Variants in DENND6A observed in about 807,000 individuals in gnomAD.
The protein encoded by DENND6A is protein DENND6A.
In DENND6A, 43 loss-of-function variants were observed where a neutral mutation model predicts 95.5. The observed-to-expected ratio is 0.45, with a 90% CI of 0.35 to 0.58. DENND6A has a LOEUF of 0.58. Ranked by LOEUF, DENND6A falls within the 20% of genes least tolerant of loss-of-function variation. The pLI is 0.00. For missense variants in DENND6A, 574 were observed against 736.0 expected, an observed-to-expected ratio of 0.78 and a Z score of 2.55; for synonymous variants, 257 against 260.4, an observed-to-expected ratio of 0.99 and a Z score of 0.13.
intron 3 of DENND6A, among the ~76,000 whole-genome samples, chr3:57,667,262 T>C (rs2071538867): frequency 6.6e-6 from 1 of 152,072 alleles, no homozygotes; most frequent in South Asian, 2.1e-4. Context: ...ACTCCTGATC[T>C]CAGGTGATCT....
At chr3:57,672,339 T>C in intron 2 of DENND6A, 41 bp from the exon 3 acceptor site, 4 of 1,610,096 alleles carry the variant, frequency 2.5e-6, no homozygotes, top group East Asian at 2.2e-5. Flanking sequence ...GACACATACA[T>C]AATCAATAAA....
chr3:57,629,953 G>A (rs975850216), intron 18 of DENND6A, among the ~76,000 whole-genome samples: 1 of 152,200 alleles, frequency 6.6e-6, no homozygotes, highest in African/African-American at 2.4e-5. Context: ...TATTTAACAA[G>A]TGGTTCTCCA....
intron 12 of DENND6A, among the ~76,000 whole-genome samples, chr3:57,637,410 C>T (rs2070818326): frequency 6.6e-6 from 1 of 152,192 alleles, no homozygotes; most frequent in African/African-American, 2.4e-5. Context: ...GCAAGGTTAA[C>T]ACTAAATATA....
At chr3:57,629,278 T>C (rs1379661008) in intron 18 of DENND6A, among the ~76,000 whole-genome samples, 1 of 152,172 alleles carries the variant, frequency 6.6e-6, no homozygotes, top group South Asian at 2.1e-4. Context: ...GTACACTTCG[T>C]GTTTTCGGAT....
intron 1 of DENND6A, chr3:57,679,646 T>A: frequency 1.2e-6 from 1 of 813,674 alleles, no homozygotes; most frequent in Non-Finnish European, 1.5e-6. Flanking sequence ...ATGCCTCAGT[T>A]TCTGCTTCCA....
intron 1 of DENND6A, among the ~76,000 whole-genome samples, chr3:57,692,241 A>AC (rs1399190764): frequency 6.6e-6 from 1 of 151,802 alleles, no homozygotes; most frequent in African/African-American, 2.4e-5. Context: ...AAAAAAAAAA[A>AC]AAAAAAAAAC....
At chr3:57,687,736 C>A (rs1167235413) in intron 1 of DENND6A, among the ~76,000 whole-genome samples, 1 of 152,038 alleles carries the variant, frequency 6.6e-6, no homozygotes, top group Non-Finnish European at 1.5e-5. Context: ...AATTTGAGAC[C>A]AGCCTGGACA....
intron 1 of DENND6A, among the ~76,000 whole-genome samples, chr3:57,678,465 G>A (rs2077129530): frequency 6.6e-6 from 1 of 152,192 alleles, no homozygotes; most frequent in Non-Finnish European, 1.5e-5. Flanking sequence ...GGGGAGATAA[G>A]AAATACAGTT....
At chr3:57,671,854 T>C (rs936758048) in intron 3 of DENND6A, among the ~76,000 whole-genome samples, 1 of 152,222 alleles carries the variant, frequency 6.6e-6, no homozygotes. Context: ...TGGCCTTGCT[T>C]CCTAACCAAA....
intron 1 of DENND6A, among the ~76,000 whole-genome samples, chr3:57,675,543 T>G (rs1559828531): frequency 6.6e-6 from 1 of 152,226 alleles, no homozygotes; most frequent in Non-Finnish European, 1.5e-5. Context: ...CTATCCTAAT[T>G]CTCTCTGGTC....
intron 9 of DENND6A, 48 bp downstream of exon 9, chr3:57,657,632 C>G (rs765190145): frequency 8.1e-7 from 1 of 1,239,382 alleles, no homozygotes; most frequent in African/African-American, 1.5e-5. Flanking sequence ...TTAACACCAC[C>G]ACCACAAAGC....
At chr3:57,686,770 C>A (rs1415639476) in intron 1 of DENND6A, among the ~76,000 whole-genome samples, 1 of 152,060 alleles carries the variant, frequency 6.6e-6, no homozygotes, top group East Asian at 1.9e-4. Context: ...GAGCCATTAC[C>A]CCATCTCTCT....
At position 57,666,151 on chromosome 3, in the gene DENND6A, A is replaced by G. The variant is rs2071521537; in HGVS notation, c.404T>C (p.Phe135Ser). 2 of 1,613,878 alleles carry G rather than the reference A, an allele frequency of 1.2e-6. No individual in the cohort carries two copies. Among genetic ancestry groups the G allele is most frequent in the Non-Finnish European group, 8.5e-7 (1 of 1,179,870 alleles). The stretch of plus-strand genomic sequence containing the variant: ...TAAGTAAACTGGTAAATCTTTGTCA[A>G]ATTGATCCAGGAGACAATGCAGCGA... ...RVSLHCLLDQ[F>S]DKDLPVYLKK... The change falls in exon 4 of 20, where the codon TTT (phenylalanine) becomes TCT (serine). Residue 135 changes from phenylalanine to serine, a missense_variant. Coordinates refer to ENST00000311128, the MANE Select transcript of DENND6A (RefSeq NM_152678.3).
At chr3:57,675,589 T>G (rs1328542487) in intron 1 of DENND6A, among the ~76,000 whole-genome samples, 2 of 152,190 alleles carry the variant, frequency 1.3e-5, no homozygotes, top group African/African-American at 2.4e-5. Flanking sequence ...CTTAGGTTAT[T>G]TTAGTGTCTG....
intron 6 of DENND6A, 22 bp downstream of exon 6, chr3:57,661,424 T>G: frequency 6.7e-7 from 1 of 1,499,050 alleles, no homozygotes; most frequent in Non-Finnish European, 8.9e-7. Context: ...AACTCCTGCA[T>G]AAAGGTATAT....
chr3:57,676,776 TTTTC>T (rs1368064817), intron 1 of DENND6A, among the ~76,000 whole-genome samples: 1 of 152,188 alleles, frequency 6.6e-6, no homozygotes, highest in Non-Finnish European at 1.5e-5. Flanking sequence ...TTTATGGGCT[TTTTC>T]TTTAATTCTG....
chr3:57,658,257 C>T (rs1338221438), intron 8 of DENND6A, among the ~76,000 whole-genome samples: 1 of 151,548 alleles, frequency 6.6e-6, no homozygotes, highest in Non-Finnish European at 1.5e-5. Context: ...AAGAATTAAT[C>T]CCAAGCTCAT....
intron 9 of DENND6A, among the ~76,000 whole-genome samples, chr3:57,653,091 C>T (rs767673077): frequency 2.6e-5 from 4 of 152,122 alleles, no homozygotes; most frequent in Non-Finnish European, 5.9e-5. Flanking sequence ...GACAGGGCAC[C>T]AAGTCGCCAG....
chr3:57,669,447 A>G (rs1273524893), intron 3 of DENND6A, among the ~76,000 whole-genome samples: 1 of 152,026 alleles, frequency 6.6e-6, no homozygotes, highest in Non-Finnish European at 1.5e-5. Context: ...CAGGCGTGGT[A>G]GCTCACACCT....
Sources: gnomAD v4.1 joint callset for allele counts (sites outside exome capture counted in the v4.1 genomes callset) on GRCh38, gnomAD v4.1.1 for gene constraint, MANE v1.5 for transcripts, NCBI Gene and HGNC (gene_info 2026-07-23, HGNC 2026-07-21) for gene names.